PCDHA1: variants seen among roughly 807,000 people sequenced by gnomAD.
The protein encoded by PCDHA1 is protocadherin alpha-1.
Under a neutral mutation model 61.3 loss-of-function variants are expected in PCDHA1, and 42 were observed. The observed-to-expected ratio is 0.69, with a 90% CI of 0.54 to 0.89. The LOEUF (loss-of-function observed/expected upper bound fraction) is 0.89. Among genes scored for constraint, PCDHA1 ranks in the 40% least tolerant of loss-of-function variants. The probability of loss-of-function intolerance (pLI) is 0.00; values close to 1 mark genes in which losing one functional copy is unlikely to be tolerated. For synonymous variants in PCDHA1, 610 were observed against 553.8 expected, an observed-to-expected ratio of 1.10 and a Z score of -1.43; for missense variants, 1,256 against 1,235.3, an observed-to-expected ratio of 1.02 and a Z score of -0.25.
At chr5:140,857,652 G>A in intron 1 of PCDHA1, 4 of 1,596,610 alleles carry the variant, frequency 2.5e-6, no homozygotes, top group Admixed American at 1.7e-5. Context: ...TTCCAGGTGA[G>A]CGCGCGCGAT....
At position 140,810,442 on chromosome 5, in the gene PCDHA1, A is replaced by G. The variant is rs372953420; in HGVS notation, c.2394+21758A>G. 7 of 152,218 alleles carry G rather than the reference A, an allele frequency of 4.6e-5. No individual in the cohort carries two copies. In the East Asian group the frequency reaches 7.7e-4, roughly 17 times the overall value. 9.4% of individuals were successfully genotyped at this position (152,218 alleles called of 1,614,324 possible). On this transcript the variant is annotated intron_variant, in intron 1 of 3. Transcript: ENST00000504120. ...TTCCAAGATGTTTTTACCTGTTTAC[A>G]TTCCTAGTAGTGCATAAGGCTTTCT...
chr5:140,821,735 T>G, intron 1 of PCDHA1: 1 of 1,535,068 alleles, frequency 6.5e-7, no homozygotes, highest in South Asian at 1.2e-5. Flanking sequence ...ATACATTGTG[T>G]GGTGATGCAA....
intron 1 of PCDHA1, among the ~76,000 whole-genome samples, chr5:140,833,426 G>T (rs1488860880): frequency 1.3e-5 from 2 of 152,166 alleles, no homozygotes; most frequent in Admixed American, 6.5e-5. Flanking sequence ...ATGTGAGATG[G>T]CTGAGCACTG....
intron 1 of PCDHA1, chr5:140,928,085 T>G: frequency 1.9e-6 from 3 of 1,614,236 alleles, no homozygotes; most frequent in Non-Finnish European, 8.5e-7. Flanking sequence ...TACAGCCTGC[T>G]GATTGATGGG....
At chr5:140,901,580 C>T (rs2068755035) in intron 1 of PCDHA1, among the ~76,000 whole-genome samples, 3 of 152,008 alleles carry the variant, frequency 2.0e-5, no homozygotes, top group Admixed American at 6.6e-5. Context: ...TATGCCAGTG[C>T]CATGATGTTT....
rs77078209 is a variant in PCDHA1 at position 140,927,973 on chromosome 5, C to T, written c.2395-50976C>T. ...CGCTGCCCCTGGCACAGTGATTGCT[C>T]TCTTTAGTGTAAAGGATGAAGACCT... On this transcript the variant is annotated intron_variant, in intron 1 of 3. Transcript: ENST00000504120. The T allele has an allele frequency of 1.9e-6, 3 of 1,614,216 alleles. No individual in the cohort carries two copies. The East Asian group carries it at 6.7e-5, about 36-fold the overall frequency.
intron 1 of PCDHA1, chr5:140,852,843 A>G (rs2042491535): frequency 1.0e-6 from 1 of 969,432 alleles, no homozygotes; most frequent in Non-Finnish European, 1.2e-6. Context: ...TAGAGCTAGT[A>G]CTTACTAAGC....
At chr5:140,891,358 G>A (rs1002422244) in intron 1 of PCDHA1, among the ~76,000 whole-genome samples, 1 of 152,044 alleles carries the variant, frequency 6.6e-6, no homozygotes. Flanking sequence ...TCCATCACCT[G>A]AGCAGTATAC....
intron 1 of PCDHA1, among the ~76,000 whole-genome samples, chr5:140,880,028 G>A (rs577776398): frequency 1.2e-4 from 19 of 152,308 alleles, no homozygotes; most frequent in African/African-American, 4.6e-4. Flanking sequence ...AAATCCACAA[G>A]TTCCAGGGAT....
intron 3 of PCDHA1, among the ~76,000 whole-genome samples, chr5:140,998,396 T>A (rs2097810780): frequency 6.6e-6 from 1 of 152,212 alleles, no homozygotes. Flanking sequence ...ATGCCATCTT[T>A]ATGCCAAAGT....
At chr5:140,916,592 G>A (rs1554197534) in intron 1 of PCDHA1, among the ~76,000 whole-genome samples, 2 of 152,164 alleles carry the variant, frequency 1.3e-5, no homozygotes, top group Non-Finnish European at 2.9e-5. Flanking sequence ...ATGAGCTAGG[G>A]CCTGGAATGC....
chr5:140,862,637 TCA>T (rs1396343286), intron 1 of PCDHA1: 1 of 539,612 alleles, frequency 1.9e-6, no homozygotes, highest in Admixed American at 1.9e-5. Flanking sequence ...TGCCACGACT[TCA>T]CAGTGTCCGC....
rs182904804 is a variant in PCDHA1 at position 140,841,857 on chromosome 5, T to A, written c.2394+53173T>A. 6.2e-6 allele frequency: 10 copies of A among 1,613,860 alleles called. 1 individual carries two copies. In the Admixed American group the frequency reaches 1.0e-4, roughly 16 times the overall value. ...AGGCTTAGCTCTCATGATTACTTCA[T>A]GCTAGATGTGAATTCAAAGAACGAT... On this transcript the variant is annotated intron_variant, in intron 1 of 3. Transcript: ENST00000504120.
rs568082033 is a variant in PCDHA1, at chr5:140,926,946, AG to A, written c.2395-52002del. On this transcript the variant is annotated intron_variant, in intron 1 of 3. Transcript: ENST00000504120. ...GTTTGTGGGTTTCCTGCGGCGCTGC[AG>A]CGGGACAGCTCGAGTACTCAGTGCC... 60 of 1,590,228 alleles carry A rather than the reference AG, an allele frequency of 3.8e-5. No individual in the cohort carries two copies. The African/African-American group carries it at 7.7e-4, about 20-fold the overall frequency.
chr5:140,834,721 C>A (rs2150224932), intron 1 of PCDHA1: 1 of 1,614,220 alleles, frequency 6.2e-7, no homozygotes, highest in South Asian at 1.1e-5. Context: ...GTGGAAAGGC[C>A]GCTGCAGGTT....
intron 1 of PCDHA1, chr5:140,926,972 C>G (rs782504064): frequency 1.3e-5 from 21 of 1,609,464 alleles, no homozygotes; most frequent in Non-Finnish European, 1.7e-5. Context: ...TACTCAGTGC[C>G]GGAGGAGACG....
At chr5:141,005,130 T>C (rs2153983471) in intron 3 of PCDHA1, among the ~76,000 whole-genome samples, 1 of 152,358 alleles carries the variant, frequency 6.6e-6, no homozygotes, top group South Asian at 2.1e-4. Flanking sequence ...CAAAAGTGCC[T>C]CATTGGAGAG....
intron 1 of PCDHA1, chr5:140,877,486 A>G: frequency 3.7e-6 from 6 of 1,613,722 alleles, no homozygotes; most frequent in Non-Finnish European, 5.1e-6. Flanking sequence ...GCTGGTGGAG[A>G]ACGGCCAGGC....
At chr5:140,884,170 G>T (rs1333457358) in intron 1 of PCDHA1, 2 of 1,613,412 alleles carry the variant, frequency 1.2e-6, no homozygotes, top group Non-Finnish European at 8.5e-7. Context: ...TCAGCACGAC[G>T]CGCCCTCTGG....
Sources: allele counts gnomAD v4.1 joint callset (sites outside exome capture counted in the v4.1 genomes callset), GRCh38; gene constraint gnomAD v4.1.1; transcripts MANE v1.5; gene names NCBI Gene and HGNC (gene_info 2026-07-23, HGNC 2026-07-21).